TXK: variants seen among roughly 807,000 people sequenced by gnomAD.
TXK encodes TXK tyrosine kinase.
A neutral mutation model predicts 81.0 loss-of-function variants in TXK; 60 were observed. That is an observed-to-expected ratio of 0.74 (90% CI 0.60 to 0.92). TXK has a LOEUF of 0.92. TXK is among the 40% of genes least tolerant of loss of function. TXK has a pLI of 0.00. For missense variants in TXK, 581 were observed against 638.3 expected, an observed-to-expected ratio of 0.91 and a Z score of 0.97; for synonymous variants, 203 against 210.7, an observed-to-expected ratio of 0.96 and a Z score of 0.32.
chr4:48,067,359 G>A lies in TXK; in HGVS notation c.*278C>T. On this transcript the variant is annotated 3_prime_UTR_variant, in exon 15 of 15. Transcript: ENST00000264316. The stretch of plus-strand genomic sequence containing the variant: ...CTATGATCATGAAGAGCACCACAAT[G>A]AAGACTGCTGCGAAGTCTTTTTCAC... The A allele has an allele frequency of 2.8e-6, 1 of 360,504 alleles. No individual in the cohort carries two copies. The allele number at this position is 360,504 out of a possible 1,614,324, so 22.3% of individuals were successfully genotyped here.
At chr4:48,105,405 C>G (rs1012667119) in intron 5 of TXK, among the ~76,000 whole-genome samples, 2 of 152,172 alleles carry the variant, frequency 1.3e-5, no homozygotes, top group Non-Finnish European at 2.9e-5. Flanking sequence ...TTCTGACACT[C>G]CTAAGTATAT....
chr4:48,086,395 T>G, intron 10 of TXK, 71 bp downstream of exon 10: 1 of 1,529,622 alleles, frequency 6.5e-7, no homozygotes, highest in Admixed American at 1.7e-5. Flanking sequence ...TGTGGCTGCC[T>G]CCAAAGCTCA....
chr4:48,110,758 C>G (rs1165812419), intron 4 of TXK, among the ~76,000 whole-genome samples, 155 bp from the exon 5 acceptor site: 1 of 152,030 alleles, frequency 6.6e-6, no homozygotes, highest in Non-Finnish European at 1.5e-5. Context: ...TTTTTTATTT[C>G]TAACTCAACA....
intron 14 of TXK, among the ~76,000 whole-genome samples, chr4:48,068,405 C>T (rs1229020569): frequency 1.3e-5 from 2 of 152,168 alleles, no homozygotes; most frequent in Non-Finnish European, 2.9e-5. Context: ...AAGCAAAAGG[C>T]ATGTTTTCAT....
At position 48,122,132 on chromosome 4, in the gene TXK, T is replaced by C. The variant is rs1486440718; in HGVS notation, c.17-7730A>G. On this transcript the variant is annotated intron_variant, in intron 1 of 14. Transcript: ENST00000264316. ...CACAGCAGCCAGAGTAATTAATTTG[T>C]CTTAAGTCTGATCATGTTACTCCTT... Among the ~76,000 whole-genome samples the C allele has an allele frequency of 2.0e-5, 3 of 152,152 alleles. No individual in the cohort carries two copies. The East Asian group carries it at 5.8e-4, about 29-fold the overall frequency.
intron 10 of TXK, among the ~76,000 whole-genome samples, chr4:48,082,454 G>A (rs1354785973): frequency 6.6e-6 from 1 of 152,188 alleles, no homozygotes; most frequent in African/African-American, 2.4e-5. Flanking sequence ...CAACTCTTTA[G>A]AGTAACCAAG....
intron 13 of TXK, among the ~76,000 whole-genome samples, chr4:48,072,757 C>T (rs370987244): frequency 2.6e-5 from 4 of 152,192 alleles, no homozygotes; most frequent in South Asian, 4.2e-4. Context: ...TGTTTGGCAA[C>T]CTTCGATGAG....
intron 1 of TXK, 36 bp downstream of exon 1, chr4:48,134,119 G>A (rs1396721232): frequency 6.2e-7 from 1 of 1,610,784 alleles, no homozygotes; most frequent in African/African-American, 1.3e-5. Flanking sequence ...CCCAGAACAA[G>A]CCCCAAAAAT....
chr4:48,110,391 C>T (rs747411109), intron 5 of TXK, 147 bp downstream of exon 5: 36 of 608,154 alleles, frequency 5.9e-5, no homozygotes, highest in Non-Finnish European at 9.0e-5. Flanking sequence ...TCTGAATCAA[C>T]CATGATAAGG....
At position 48,069,334 on chromosome 4, in the gene TXK, T is replaced by TC. The variant is rs1210084589; in HGVS notation, c.1516-1630_1516-1629insG. ...AATCAATCTTTTCTTTTCTTTTTTTTTTTTTTTTTTTGAGACAGTCTGGCC... is the reference window on the plus strand; with the variant it reads ...AATCAATCTTTTCTTTTCTTTTTTTTCTTTTTTTTTTTGAGACAGTCTGGCC... On this transcript the variant is annotated intron_variant, in intron 14 of 14. Coordinates refer to ENST00000264316, the MANE Select transcript of TXK (RefSeq NM_003328.3). Among the ~76,000 whole-genome samples, 61 of 131,016 alleles carry TC rather than the reference T, an allele frequency of 4.7e-4. 2 individuals carry two copies. The highest frequency in any genetic ancestry group is 9.0e-4 in the Admixed American group (12 of 13,298). The allele number at this position is 131,016 out of a possible 152,430, so 86.0% of individuals were successfully genotyped here. A position where few individuals can be genotyped will look rare whatever the true frequency, so the allele number is the denominator to read the frequency against.
intron 1 of TXK, 132 bp downstream of exon 1, chr4:48,134,020 CACA>C: frequency 1.1e-6 from 1 of 912,548 alleles, no homozygotes; most frequent in East Asian, 2.7e-5. Flanking sequence ...AAAACTCTGT[CACA>C]ACATCTGAGG....
chr4:48,078,597 G>A (rs1436353556), intron 11 of TXK, among the ~76,000 whole-genome samples: 1 of 152,226 alleles, frequency 6.6e-6, no homozygotes, highest in African/African-American at 2.4e-5. Context: ...CTCAAGGGGA[G>A]GTAGCAATGC....
intron 14 of TXK, 90 bp downstream of exon 14, chr4:48,071,427 G>A (rs1716849229): frequency 1.5e-6 from 2 of 1,325,092 alleles, no homozygotes; most frequent in Non-Finnish European, 2.1e-6. Context: ...TTCCTGCCAT[G>A]ACAGAGTTCT....
At chr4:48,126,741 T>C (rs1719099712) in intron 1 of TXK, among the ~76,000 whole-genome samples, 4 of 152,206 alleles carry the variant, frequency 2.6e-5, no homozygotes, top group Non-Finnish European at 5.9e-5. Flanking sequence ...CAACCTCAAG[T>C]GATCCCCCTC....
chr4:48,134,174 A>G lies in TXK; in HGVS notation c.-4T>C, dbSNP rs778848649. The G allele has an allele frequency of 2.5e-6, 4 of 1,613,502 alleles. No individual in the cohort carries two copies. The Admixed American group carries it at 5.0e-5, about 20-fold the overall frequency. ...ACTCACAGGAGGAAAGGATCATGGT[A>G]GCCCCTTCTGCGGGGAGCACACAAC... On this transcript the variant is annotated 5_prime_UTR_variant, in exon 1 of 15. Coordinates refer to ENST00000264316, the MANE Select transcript of TXK (RefSeq NM_003328.3).
chr4:48,077,866 G>A (rs1338561537), intron 11 of TXK, among the ~76,000 whole-genome samples: 1 of 152,102 alleles, frequency 6.6e-6, no homozygotes, highest in African/African-American at 2.4e-5. Flanking sequence ...CCATTTTACT[G>A]GTTAACTAGC....
intron 1 of TXK, among the ~76,000 whole-genome samples, chr4:48,116,176 T>C (rs1718806615): frequency 6.6e-6 from 1 of 152,176 alleles, no homozygotes; most frequent in South Asian, 2.1e-4. Flanking sequence ...TAGTAAATGT[T>C]CTGTGCTTTA....
At chr4:48,120,782 C>A (rs1227966037) in intron 1 of TXK, among the ~76,000 whole-genome samples, 1 of 152,072 alleles carries the variant, frequency 6.6e-6, no homozygotes, top group Non-Finnish European at 1.5e-5. Flanking sequence ...TGAGCCAGTC[C>A]TCCGGCCCTA....
rs1214888939 is a variant in TXK, at chr4:48,134,148, TACTC to T, written c.16+3_16+6del. Reference sequence around the variant, plus strand: ...CAAAAATAAATGACAAAGCCCATCTTACTCACAGGAGGAAAGGATCATGGTAGCC... The same window carrying T: ...CAAAAATAAATGACAAAGCCCATCTTACAGGAGGAAAGGATCATGGTAGCC... On this transcript the variant is annotated splice_donor_5th_base_variant and intron_variant, in intron 1 of 14. Transcript: ENST00000264316. 1 of 1,613,282 alleles carries T rather than the reference TACTC, an allele frequency of 6.2e-7. No individual in the cohort carries two copies.
Sources: gnomAD v4.1 joint callset for allele counts (sites outside exome capture counted in the v4.1 genomes callset) on GRCh38, gnomAD v4.1.1 for gene constraint, MANE v1.5 for transcripts, NCBI Gene and HGNC (gene_info 2026-07-23, HGNC 2026-07-21) for gene names.